The following DTNA variants were observed in gnomAD, a reference collection of about 807,000 sequenced individuals.
DTNA encodes the protein dystrobrevin alpha.
DTNA carries 43 observed loss-of-function variants against 100.7 expected under a neutral mutation model. The ratio of observed to expected loss-of-function variants is 0.43; its 90% CI spans 0.33 to 0.55. The LOEUF is 0.55. Among genes scored for constraint, DTNA ranks in the 20% least tolerant of loss-of-function variants. The pLI, the probability that DTNA is intolerant of heterozygous loss-of-function variation, is 0.04. For missense variants in DTNA, 798 were observed against 953.9 expected (o/e 0.84, Z 2.15); for synonymous variants, 349 against 347.9 (o/e 1.00, Z -0.04).
intron 1 of DTNA, among the ~76,000 whole-genome samples, chr18:34,565,560 G>A (rs1300408045): frequency 1.3e-5 from 2 of 152,338 alleles, no homozygotes; most frequent in African/African-American, 4.8e-5. Context: ...TGCAGGCTAA[G>A]TGGGTGGTTC....
At chr18:34,749,172 T>C (rs2092026789) in intron 1 of DTNA, among the ~76,000 whole-genome samples, 1 of 152,170 alleles carries the variant, frequency 6.6e-6, no homozygotes, top group Non-Finnish European at 1.5e-5. Flanking sequence ...TGATTTTGTA[T>C]CCTAAGACCT....
chr18:34,884,000 GCCTTCTATGGCT>G (rs1350101010), intron 21 of DTNA, among the ~76,000 whole-genome samples: 6 of 152,160 alleles, frequency 3.9e-5, no homozygotes, highest in Non-Finnish European at 5.9e-5. Context: ...TTTTCCTTGC[GCCTTCTATGGCT>G]CCTCCACAGA....
intron 1 of DTNA, among the ~76,000 whole-genome samples, chr18:34,493,680 CGCGCAGCCCCGGCTGCGCAGGGA>C (rs1473388760): frequency 2.0e-5 from 3 of 149,010 alleles, no homozygotes; most frequent in Admixed American, 6.7e-5. Flanking sequence ...GTGCACATGA[CGCGCAGCCCCGGCTGCGCAGGGA>C]CCGCAGCCGC....
intron 2 of DTNA, among the ~76,000 whole-genome samples, chr18:34,756,830 A>G (rs1339634233): frequency 2.0e-5 from 3 of 152,270 alleles, no homozygotes; most frequent in South Asian, 2.1e-4. Flanking sequence ...CAAGTTGAAT[A>G]TTATAAAGGA....
intron 1 of DTNA, among the ~76,000 whole-genome samples, chr18:34,605,053 C>T (rs926097828): frequency 6.6e-6 from 1 of 151,076 alleles, no homozygotes; most frequent in South Asian, 2.1e-4. Flanking sequence ...AGTCTGCATA[C>T]ATTATTTTAC....
At chr18:34,740,657 ATGATGGTG>A (rs2090467445) in intron 1 of DTNA, among the ~76,000 whole-genome samples, 1 of 152,148 alleles carries the variant, frequency 6.6e-6, no homozygotes, top group Admixed American at 6.6e-5. Flanking sequence ...AAATTAGGGC[ATGATGGTG>A]CACGCCTGTG....
intron 1 of DTNA, among the ~76,000 whole-genome samples, chr18:34,695,723 G>T (rs76124247): frequency 0.027 from 4,145 of 152,198 alleles, 213 homozygotes; most frequent in African/African-American, 0.095. Context: ...ATAGGAGTTT[G>T]GGGAATGACC....
chr18:34,628,124 G>C (rs1475365069), intron 1 of DTNA, among the ~76,000 whole-genome samples: 1 of 152,134 alleles, frequency 6.6e-6, no homozygotes, highest in Non-Finnish European at 1.5e-5. Flanking sequence ...TAATCCTTAA[G>C]AAGACTCAAG....
At chr18:34,547,568 G>A (rs2044929035) in intron 1 of DTNA, among the ~76,000 whole-genome samples, 1 of 152,110 alleles carries the variant, frequency 6.6e-6, no homozygotes, top group Admixed American at 6.6e-5. Flanking sequence ...TACTGGACAA[G>A]TTTATGAAAG....
At chr18:34,523,560 G>A (rs531261210) in intron 1 of DTNA, among the ~76,000 whole-genome samples, 9 of 152,032 alleles carry the variant, frequency 5.9e-5, no homozygotes, top group Non-Finnish European at 1.2e-4. Flanking sequence ...AGATTCATGG[G>A]CATTTTCTAA....
intron 6 of DTNA, among the ~76,000 whole-genome samples, chr18:34,814,654 T>C (rs2095556929): frequency 6.6e-6 from 1 of 151,952 alleles, no homozygotes; most frequent in South Asian, 2.1e-4. Context: ...ATTGTGCCAC[T>C]GCACTCCAGC....
Position 34,544,326 on chromosome 18 carries a change from T to A in DTNA, c.-2+50812T>A, listed in dbSNP as rs550489970. On this transcript the variant is annotated intron_variant, in intron 1 of 19. Transcript: ENST00000283365. ...CTATGATTAAATAAATATGTTTTTT[T>A]AAAAAAAATAATAGAAACTCTTGCT... Among the ~76,000 whole-genome samples the A allele has an allele frequency of 2.3e-3, 355 of 151,990 alleles. 1 individual carries two copies. Among genetic ancestry groups the A allele is most frequent in the African/African-American group, 7.8e-3 (325 of 41,480 alleles).
rs1010254851 is a variant in DTNA, at chr18:34,588,377, T to G, written c.-2+94863T>G. ...AGCTGCTCCCCAACCCAGCTTACAG[T>G]CTGCCCCCAACCCCCTACCTATAGT... is the stretch of plus-strand genomic sequence containing the variant. On this transcript the variant is annotated intron_variant, in intron 1 of 19. Transcript: ENST00000283365. Among the ~76,000 whole-genome samples the G allele has an allele frequency of 2.6e-5, 4 of 152,234 alleles. No homozygotes were observed. In the East Asian group the frequency reaches 7.7e-4, roughly 29 times the overall value.
chr18:34,650,934 A>C (rs1482937241), intron 1 of DTNA, among the ~76,000 whole-genome samples: 1 of 152,198 alleles, frequency 6.6e-6, no homozygotes, highest in African/African-American at 2.4e-5. Flanking sequence ...TCTATTTTCA[A>C]CCCAATCCTA....
At chr18:34,528,290 C>T (rs2042823967) in intron 1 of DTNA, among the ~76,000 whole-genome samples, 1 of 152,078 alleles carries the variant, frequency 6.6e-6, no homozygotes, top group Non-Finnish European at 1.5e-5. Context: ...AGAATAACTT[C>T]ATGGCTTGGA....
At chr18:34,532,286 AAAT>A (rs1225696276) in intron 1 of DTNA, among the ~76,000 whole-genome samples, 2 of 152,130 alleles carry the variant, frequency 1.3e-5, no homozygotes, top group African/African-American at 2.4e-5. Flanking sequence ...GTTTTTTGAA[AAAT>A]AATAATGGGG....
In DTNA at chr18:34,838,618, A is replaced by ACTAC. The variant is rs1164166946; in HGVS notation, c.1254-125_1254-122dup. On this transcript the variant is annotated intron_variant, in intron 12 of 22. Transcript: ENST00000444659. ...TTGTGTTTTTCATAGCACATCACTT[A>ACTAC]CTACCCTTCCTTTACCTGCTTGGTT... 5 of 772,090 alleles carry ACTAC rather than the reference A, an allele frequency of 6.5e-6. No individual in the cohort carries two copies. In the African/African-American group the frequency reaches 8.5e-5, roughly 13 times the overall value. 47.8% of individuals were successfully genotyped at this position (772,090 alleles called of 1,614,324 possible). A position where few individuals can be genotyped will look rare whatever the true frequency, so the allele number is the denominator to read the frequency against.
intron 13 of DTNA, among the ~76,000 whole-genome samples, chr18:34,848,019 T>C (rs977421866): frequency 6.6e-6 from 1 of 152,256 alleles, no homozygotes; most frequent in Non-Finnish European, 1.5e-5. Context: ...GAAATTCTTC[T>C]GATCAGATGT....
chr18:34,676,077 G>A (rs2077363119), intron 1 of DTNA, among the ~76,000 whole-genome samples: 1 of 152,108 alleles, frequency 6.6e-6, no homozygotes, highest in Non-Finnish European at 1.5e-5. Context: ...TATTTGTCTA[G>A]GTCCCACAGA....
Sources: gnomAD v4.1 joint callset for allele counts (sites outside exome capture counted in the v4.1 genomes callset) on GRCh38, gnomAD v4.1.1 for gene constraint, MANE v1.5 for transcripts, NCBI Gene and HGNC (gene_info 2026-07-23, HGNC 2026-07-21) for gene names.